The following EARS2 variants were observed in gnomAD, a reference collection of about 807,000 sequenced individuals.
EARS2 encodes glutamyl-tRNA synthetase 2, mitochondrial.
A neutral mutation model predicts 54.1 loss-of-function variants in EARS2; 50 were observed. That is an observed-to-expected ratio of 0.92 (90% CI 0.74 to 1.17). The LOEUF (loss-of-function observed/expected upper bound fraction) is 1.17. EARS2 is among the 50% of genes most tolerant of loss of function. EARS2 has a pLI of 0.00. For synonymous variants in EARS2, 298 were observed against 281.0 expected (o/e 1.06, Z -0.61); for missense variants, 673 against 675.0 (o/e 1.00, Z 0.03).
intron 7 of EARS2, 79 bp downstream of exon 7, chr16:23,529,423 G>A: frequency 6.5e-7 from 1 of 1,540,018 alleles, no homozygotes; most frequent in Non-Finnish European, 8.8e-7. Flanking sequence ...CAACAGCCCA[G>A]CCCTGAAGGA....
intron 3 of EARS2, among the ~76,000 whole-genome samples, chr16:23,543,251 C>T (rs1459782131): frequency 1.3e-5 from 2 of 151,080 alleles, no homozygotes; most frequent in Non-Finnish European, 2.9e-5. Context: ...AGATCCCCAT[C>T]TTTATGAAAA....
intron 3 of EARS2, among the ~76,000 whole-genome samples, chr16:23,535,655 C>A (rs1965405855): frequency 6.6e-6 from 1 of 152,190 alleles, no homozygotes; most frequent in African/African-American, 2.4e-5. Flanking sequence ...ATCTTGCAAT[C>A]CTATTGCTCC....
Position 23,523,220 on chromosome 16 carries a change from G to T in EARS2, c.*1151C>A, listed in dbSNP as rs1359706722. The T allele has an allele frequency of 6.6e-6, 1 of 152,238 alleles. No homozygotes were observed. The highest frequency in any genetic ancestry group is 1.5e-5 in the Non-Finnish European group (1 of 68,074). The allele number at this position is 152,238 out of a possible 1,614,324, so 9.4% of individuals were successfully genotyped here. On this transcript the variant is annotated 3_prime_UTR_variant, in exon 9 of 9. Transcript: ENST00000449606. The stretch of plus-strand genomic sequence containing the variant: ...GCAGGGGAAGCCTAGAAGCCTGGTA[G>T]GGGTTCATGTACCCTGCCACCATCC...
chr16:23,532,501 T>C lies in EARS2; in HGVS notation c.1067+156A>G, dbSNP rs141739832. On this transcript the variant is annotated intron_variant, in intron 5 of 8. Coordinates refer to ENST00000449606, the MANE Select transcript of EARS2 (RefSeq NM_001083614.2). The stretch of plus-strand genomic sequence containing the variant: ...AAGATCAGTACTGTTATTAATCCCA[T>C]TTTAGAGAAGAGAAAACAGAGGCTC... 2.7e-4 allele frequency: 152 copies of C among 555,286 alleles called. No individual in the cohort carries two copies. In the African/African-American group the frequency reaches 2.8e-3, roughly 10 times the overall value. 34.4% of individuals were successfully genotyped at this position (555,286 alleles called of 1,614,324 possible).
chr16:23,529,931 A>C (rs1402919549), intron 5 of EARS2, 34 bp from the exon 6 acceptor site: 1 of 1,609,742 alleles, frequency 6.2e-7, no homozygotes, highest in African/African-American at 1.3e-5. Flanking sequence ...CCCTGCTGTC[A>C]ACACCCCAAC....
chr16:23,538,216 G>C (rs1597016223), intron 3 of EARS2, among the ~76,000 whole-genome samples: 1 of 152,132 alleles, frequency 6.6e-6, no homozygotes, highest in African/African-American at 2.4e-5. Flanking sequence ...CTGTCACCCA[G>C]GCTGGAGTGC....
At chr16:23,547,264 A>G (rs187446126) in intron 2 of EARS2, among the ~76,000 whole-genome samples, 3 of 152,196 alleles carry the variant, frequency 2.0e-5, no homozygotes, top group Admixed American at 1.3e-4. Context: ...CATATATTAT[A>G]TGATCTCATT....
At position 23,535,335 on chromosome 16, in the gene EARS2, T is replaced by G; in HGVS notation, c.511A>C (p.Ser171Arg). 1 of 1,600,160 alleles carries G rather than the reference T, an allele frequency of 6.2e-7. No individual in the cohort carries two copies. The highest frequency in any genetic ancestry group is 8.5e-7 in the Non-Finnish European group (1 of 1,179,926). ...AGCTTCTGGGCCACCTGCTCCTGGC[T>G]CATGTTCCTGCACCGATTGTCATAC... Reference protein sequence around the residue: ...PRYDNRCRNMSQEQVAQKLAK... With the variant: ...PRYDNRCRNMRQEQVAQKLAK... Residue 171 changes from serine to arginine, a missense_variant, in exon 4 of 9, where the codon AGC (serine) becomes CGC (arginine). Physicochemically the swap from Ser to Arg is moderately radical, Grantham distance 110 (BLOSUM62 -1). Coordinates refer to ENST00000449606, the MANE Select transcript of EARS2 (RefSeq NM_001083614.2).
chr16:23,554,034 T>TG (rs1376597455), intron 1 of EARS2, among the ~76,000 whole-genome samples: 2 of 152,168 alleles, frequency 1.3e-5, no homozygotes, highest in Non-Finnish European at 2.9e-5. Flanking sequence ...AAATTTGAGA[T>TG]GGGGTCTCAC....
At chr16:23,548,523 A>G (rs1422355870) in intron 2 of EARS2, among the ~76,000 whole-genome samples, 1 of 152,018 alleles carries the variant, frequency 6.6e-6, no homozygotes. Context: ...TAAGTAGCAG[A>G]TCCTCTGTGA....
chr16:23,535,358 TACCTGA>T lies in EARS2; in HGVS notation c.486-4_487del. The T allele has an allele frequency of 6.3e-7, 1 of 1,597,812 alleles. No homozygotes were observed. Among genetic ancestry groups the T allele is most frequent in the Non-Finnish European group, 8.5e-7 (1 of 1,179,268 alleles). On this transcript the variant is annotated splice_acceptor_variant and splice_polypyrimidine_tract_variant and coding_sequence_variant and intron_variant, in exon 4 of 9. Transcript: ENST00000449606. LOFTEE classifies it high-confidence loss of function. Reference sequence around the variant, plus strand: ...GCTCATGTTCCTGCACCGATTGTCATACCTGATGGGGAGCAGAGCAGCATGAGTACT... The same window carrying T: ...GCTCATGTTCCTGCACCGATTGTCATTGGGGAGCAGAGCAGCATGAGTACT...
chr16:23,529,245 C>T (rs1005503780), intron 7 of EARS2, among the ~76,000 whole-genome samples: 4 of 152,200 alleles, frequency 2.6e-5, no homozygotes, highest in African/African-American at 9.6e-5. Context: ...AGCAAGGTGA[C>T]ATAATCTGGT....
At chr16:23,527,781 C>T (rs1965255467) in intron 7 of EARS2, among the ~76,000 whole-genome samples, 1 of 152,244 alleles carries the variant, frequency 6.6e-6, no homozygotes, top group Admixed American at 6.5e-5. Flanking sequence ...TCTTGATCTC[C>T]TGACCTCGTG....
rs1262682387 is a variant in EARS2 at position 23,523,764 on chromosome 16, T to A, written c.*607A>T. ...CATTTAAAGAGGTGATTAACTTAAATGAGGCTGGTTAAAGTTAAAATCCAG... is the reference window on the plus strand; with the variant it reads ...CATTTAAAGAGGTGATTAACTTAAAAGAGGCTGGTTAAAGTTAAAATCCAG... On this transcript the variant is annotated 3_prime_UTR_variant, in exon 9 of 9. Transcript: ENST00000449606. 1.3e-5 allele frequency: 2 copies of A among 152,360 alleles called. No individual in the cohort carries two copies. The highest frequency in any genetic ancestry group is 2.9e-5 in the Non-Finnish European group (2 of 68,176). The allele number at this position is 152,360 out of a possible 1,614,324, so 9.4% of individuals were successfully genotyped here.
At chr16:23,552,063 T>C (rs749168321) in intron 2 of EARS2, 86 bp downstream of exon 2, 18 of 1,519,196 alleles carry the variant, frequency 1.2e-5, no homozygotes, top group Non-Finnish European at 1.6e-5. Flanking sequence ...CATTTTCCAC[T>C]CAGAACTCCA....
rs554052205 is a variant in EARS2 at position 23,520,785 on chromosome 16, G to A, written c.*3586C>T. On this transcript the variant is annotated 3_prime_UTR_variant, in exon 9 of 9. Coordinates refer to ENST00000449606, the MANE Select transcript of EARS2 (RefSeq NM_001083614.2). ...AAGTAGCAACAGCTTTATTAATTTC[G>A]CTTTTTTATTAATTTCTTGTTGAGA... Among the ~76,000 whole-genome samples, 3 of 152,046 alleles carry A rather than the reference G, an allele frequency of 2.0e-5. No homozygotes were observed. The highest frequency in any genetic ancestry group is 1.9e-4 in the East Asian group (1 of 5,182).
Position 23,522,240 on chromosome 16 carries a change from C to A in EARS2, c.*2131G>T, listed in dbSNP as rs1965151231. The A allele has an allele frequency of 5.5e-6, 1 of 182,494 alleles. No homozygotes were observed. The highest frequency in any genetic ancestry group is 2.3e-5 in the African/African-American group (1 of 42,554). The allele number at this position is 182,494 out of a possible 1,614,324, so 11.3% of individuals were successfully genotyped here. ...ACTTTTCCTCCATTGCATATAATCC[C>A]TGTGAAACTACCTATTACTGGCCAA... On this transcript the variant is annotated 3_prime_UTR_variant, in exon 9 of 9. Transcript: ENST00000449606.
At chr16:23,541,347 T>TAAAAC (rs148264203) in intron 3 of EARS2, among the ~76,000 whole-genome samples, 7 of 151,760 alleles carry the variant, frequency 4.6e-5, no homozygotes, top group Non-Finnish European at 8.8e-5. Flanking sequence ...CAACATAACA[T>TAAAAC]AAAACAAAAC....
intron 7 of EARS2, among the ~76,000 whole-genome samples, chr16:23,526,765 C>A (rs1356050972): frequency 6.6e-6 from 1 of 152,110 alleles, no homozygotes. Flanking sequence ...CAGCAACCAA[C>A]CCCCACATCC....
Sources: allele counts gnomAD v4.1 joint callset (sites outside exome capture counted in the v4.1 genomes callset), GRCh38; gene constraint gnomAD v4.1.1; transcripts MANE v1.5; gene names NCBI Gene and HGNC (gene_info 2026-07-23, HGNC 2026-07-21).